Variants in TSHZ3 observed in about 807,000 individuals in gnomAD.
TSHZ3 encodes teashirt homolog 3.
A neutral mutation model predicts 64.5 loss-of-function variants in TSHZ3; 10 were observed. The observed-to-expected ratio is 0.16, with a 90% confidence interval of 0.10 to 0.26. The LOEUF (loss-of-function observed/expected upper bound fraction) is 0.26. Among genes scored for constraint, TSHZ3 ranks in the 10% least tolerant of loss-of-function variants. The probability of loss-of-function intolerance (pLI) is 1.00; values close to 1 mark genes in which losing one functional copy is unlikely to be tolerated. For missense variants in TSHZ3, 1,242 were observed against 1,421.7 expected, an observed-to-expected ratio of 0.87 and a Z score of 2.03; for synonymous variants, 608 against 593.1, an observed-to-expected ratio of 1.03 and a Z score of -0.36.
chr19:31,277,279 C>A lies in TSHZ3; in HGVS notation c.2514G>T (p.Pro838=), dbSNP rs535430454. 6.2e-7 allele frequency: 1 copy of A among 1,613,934 alleles called. No individual in the cohort carries two copies. Among genetic ancestry groups the A allele is most frequent in the Non-Finnish European group, 8.5e-7 (1 of 1,179,838 alleles). Residue 838 remains proline, a synonymous_variant, in exon 2 of 2, where the codon CCG becomes CCT. Transcript: ENST00000240587. The surrounding 1 kb of genome is among the most constrained non-coding windows in gnomAD (Gnocchi z 4.5). ...SAVVSFMSNS[P]LRENALSDIS... ...TATCTGACAAGGCATTCTCGCGTAG[C>A]GGCGAGTTTGACATGAATGATACGA...
chr19:31,247,140 T>A (rs959272567), intron 1 of TSHZ3, among the ~76,000 whole-genome samples: 1 of 152,156 alleles, frequency 6.6e-6, no homozygotes, highest in African/African-American at 2.4e-5. Context: ...ATCATCATCA[T>A]CCTTGAATCA....
rs1232356481 is a variant in TSHZ3 at position 31,276,998 on chromosome 19, C to T, written c.2795G>A (p.Arg932Gln). 5 of 1,612,752 alleles carry T rather than the reference C, an allele frequency of 3.1e-6. No individual in the cohort carries two copies. The highest frequency in any genetic ancestry group is 1.3e-5 in the African/African-American group (1 of 74,932). Residue 932 changes from arginine (R) to glutamine (Q), a missense_variant, in exon 2 of 2, where the codon CGG becomes CAG. Coordinates refer to ENST00000240587, the MANE Select transcript of TSHZ3 (RefSeq NM_020856.4). Reference sequence around the variant, plus strand: ...CCCGGTGAACCTGGAGATATGCATCCGCTCCTGGGGGCTCAGGTCTGACAT... The same window carrying T: ...CCCGGTGAACCTGGAGATATGCATCTGCTCCTGGGGGCTCAGGTCTGACAT... The part of the protein sequence containing the change: ...YIMSDLSPQE[R>Q]MHISRFTGLS...
chr19:31,320,877 G>C (rs1446928244), intron 1 of TSHZ3, among the ~76,000 whole-genome samples: 1 of 152,158 alleles, frequency 6.6e-6, no homozygotes, highest in Non-Finnish European at 1.5e-5. Flanking sequence ...GTCCTGCGCA[G>C]TGTTCAATTC....
chr19:31,271,076 C>G (rs569956657), downstream of TSHZ3, among the ~76,000 whole-genome samples: 168 of 152,302 alleles, frequency 1.1e-3, 1 homozygote, highest in Middle Eastern at 0.014. Context: ...CACAGCAGTA[C>G]CAAGACTGAG....
At chr19:31,179,595 G>A (rs757822243) in intron 5 of TSHZ3, among the ~76,000 whole-genome samples, 2 of 152,284 alleles carry the variant, frequency 1.3e-5, no homozygotes, top group South Asian at 2.1e-4. Flanking sequence ...AATTGTGGTG[G>A]TGGTGATGGT....
intron 1 of TSHZ3, among the ~76,000 whole-genome samples, chr19:31,246,014 T>C (rs1975753722): frequency 6.6e-6 from 1 of 152,216 alleles, no homozygotes; most frequent in African/African-American, 2.4e-5. Context: ...AGATGAGGCA[T>C]GCTAAAATAG....
chr19:31,162,027 T>C (rs1162958934), intron 5 of TSHZ3, among the ~76,000 whole-genome samples: 5 of 152,212 alleles, frequency 3.3e-5, no homozygotes, highest in Non-Finnish European at 1.5e-5. Flanking sequence ...CTAGCTGAGG[T>C]ACCCGGTGAG....
chr19:31,246,010 G>C (rs1243138596), intron 1 of TSHZ3, among the ~76,000 whole-genome samples: 1 of 152,118 alleles, frequency 6.6e-6, no homozygotes, highest in African/African-American at 2.4e-5. Flanking sequence ...CCATAGATGA[G>C]GCATGCTAAA....
chr19:31,247,167 G>A (rs777836343), intron 1 of TSHZ3, among the ~76,000 whole-genome samples: 3 of 152,058 alleles, frequency 2.0e-5, no homozygotes, highest in East Asian at 1.9e-4. Context: ...AATCGTCAAC[G>A]GATATTAAAA....
chr19:31,265,530 C>A lies in TSHZ3; in HGVS notation n.64-22655G>T, dbSNP rs1217397359. Among the ~76,000 whole-genome samples, 6 of 152,110 alleles carry A rather than the reference C, an allele frequency of 3.9e-5. No individual in the cohort carries two copies. The East Asian group carries it at 1.2e-3, about 29-fold the overall frequency. The stretch of plus-strand genomic sequence containing the variant: ...ATTGAAGTCCTTGAATCAGGGGTGC[C>A]ACTCCTTGAGGAATTTGAGAAGGTC... On this transcript the variant is annotated intron_variant and non_coding_transcript_variant, in intron 1 of 6. Transcript: ENST00000651361.
chr19:31,158,435 G>A (rs141202938), intron 5 of TSHZ3, among the ~76,000 whole-genome samples: 184 of 152,292 alleles, frequency 1.2e-3, no homozygotes, highest in African/African-American at 4.3e-3. Flanking sequence ...CATTTTGTAG[G>A]TGAGAAGTTC....
intron 5 of TSHZ3, among the ~76,000 whole-genome samples, chr19:31,158,890 G>A (rs1000425603): frequency 2.3e-4 from 35 of 152,142 alleles, no homozygotes; most frequent in Admixed American, 2.3e-3. Context: ...AGGAGGTAGA[G>A]CTCAGGCAGT....
intron 1 of TSHZ3, among the ~76,000 whole-genome samples, chr19:31,254,646 C>T (rs886763298): frequency 2.0e-5 from 3 of 152,178 alleles, no homozygotes; most frequent in African/African-American, 7.2e-5. Context: ...TCTGCTTTCC[C>T]ACATTTTGGA....
At chr19:31,190,820 T>A (rs1943996407) in intron 5 of TSHZ3, among the ~76,000 whole-genome samples, 1 of 152,066 alleles carries the variant, frequency 6.6e-6, no homozygotes, top group African/African-American at 2.4e-5. Context: ...ATGTTTAATA[T>A]AATGAGTGAA....
chr19:31,224,728 T>C (rs984620338), intron 4 of TSHZ3, among the ~76,000 whole-genome samples: 9 of 152,274 alleles, frequency 5.9e-5, no homozygotes, highest in Middle Eastern at 3.4e-3. Flanking sequence ...AGAAATCCTT[T>C]TATGTTGGTG....
At position 31,263,697 on chromosome 19, in the gene TSHZ3, C is replaced by G. The variant is rs999992725; in HGVS notation, n.64-20822G>C. Among the ~76,000 whole-genome samples, 4 of 152,156 alleles carry G rather than the reference C, an allele frequency of 2.6e-5. No individual in the cohort carries two copies. In the East Asian group the frequency reaches 7.7e-4, roughly 29 times the overall value. ...TGTCTCACAGATCCTGTGGGTCCCCCCCACTCCTCACATCCCCACCCCTCT... is the reference window on the plus strand; with the variant it reads ...TGTCTCACAGATCCTGTGGGTCCCCGCCACTCCTCACATCCCCACCCCTCT... On this transcript the variant is annotated intron_variant and non_coding_transcript_variant, in intron 1 of 6. Coordinates refer to the TSHZ3 transcript ENST00000651361.
chr19:31,235,677 C>CTTT (rs1975603975), intron 3 of TSHZ3, among the ~76,000 whole-genome samples: 1 of 76,990 alleles, frequency 1.3e-5, no homozygotes, highest in African/African-American at 5.0e-5. Flanking sequence ...TTTCTTCTTT[C>CTTT]TTTCTTTCTT....
At chr19:31,200,418 C>T (rs1195193416) in intron 5 of TSHZ3, among the ~76,000 whole-genome samples, 1 of 152,018 alleles carries the variant, frequency 6.6e-6, no homozygotes, top group African/African-American at 2.4e-5. Flanking sequence ...AGCTACTAAG[C>T]CATAAAAAGA....
At chr19:31,203,006 C>A (rs1309005261) in intron 5 of TSHZ3, among the ~76,000 whole-genome samples, 1 of 151,848 alleles carries the variant, frequency 6.6e-6, no homozygotes, top group African/African-American at 2.4e-5. Flanking sequence ...GAAAATTAAG[C>A]CTAACAATCA....
Sources: gnomAD v4.1 joint callset for allele counts (sites outside exome capture counted in the v4.1 genomes callset) on GRCh38, gnomAD v4.1.1 for gene constraint, Gnocchi (gnomAD v3.1) non-coding constraint, MANE v1.5 for transcripts, NCBI Gene and HGNC (gene_info 2026-07-23, HGNC 2026-07-21) for gene names.